The following ROBO2 variants were observed in gnomAD, a reference collection of about 807,000 sequenced individuals.
The protein encoded by ROBO2 is roundabout homolog 2.
A neutral mutation model predicts 160.8 loss-of-function variants in ROBO2; 53 were observed. The ratio of observed to expected loss-of-function variants is 0.33; its 90% CI spans 0.26 to 0.41. The LOEUF (loss-of-function observed/expected upper bound fraction) is 0.41, where lower values mean the gene tolerates loss of function less well. Among genes scored for constraint, ROBO2 ranks in the 10% least tolerant of loss-of-function variants. The probability of loss-of-function intolerance (pLI) is 1.00; values close to 1 mark genes in which losing one functional copy is unlikely to be tolerated. For missense variants in ROBO2, 1,577 were observed against 1,722.4 expected, an observed-to-expected ratio of 0.92 and a Z score of 1.49; for synonymous variants, 664 against 611.7, an observed-to-expected ratio of 1.09 and a Z score of -1.26.
chr3:77,462,268 G>A (rs2082322654), intron 2 of ROBO2, among the ~76,000 whole-genome samples: 1 of 152,094 alleles, frequency 6.6e-6, no homozygotes, highest in Non-Finnish European at 1.5e-5. Context: ...CAAATCAAAA[G>A]GTTGTCATCG....
At chr3:76,267,550 T>C (rs1294423798) in intron 2 of ROBO2, among the ~76,000 whole-genome samples, 1 of 152,158 alleles carries the variant, frequency 6.6e-6, no homozygotes, top group Non-Finnish European at 1.5e-5. Flanking sequence ...AAACACTGAA[T>C]TTAATACCTA....
intron 2 of ROBO2, among the ~76,000 whole-genome samples, chr3:76,395,252 G>GA (rs1230057962): frequency 1.3e-5 from 2 of 149,782 alleles, no homozygotes; most frequent in Non-Finnish European, 3.0e-5. Flanking sequence ...AATGAAGGCA[G>GA]AAATAAAGAT....
At chr3:76,352,489 T>TTATGTGGA (rs2074935893) in intron 2 of ROBO2, among the ~76,000 whole-genome samples, 1 of 152,040 alleles carries the variant, frequency 6.6e-6, no homozygotes, top group African/African-American at 2.4e-5. Context: ...GCTAGAATAA[T>TTATGTGGA]TATGTGGAGC....
At chr3:77,300,147 A>G (rs1383786254) in intron 2 of ROBO2, among the ~76,000 whole-genome samples, 1 of 151,880 alleles carries the variant, frequency 6.6e-6, no homozygotes, top group African/African-American at 2.4e-5. Flanking sequence ...AGGGAAATTG[A>G]CATAGAATTA....
At chr3:76,106,770 T>C (rs1369008167) in intron 2 of ROBO2, among the ~76,000 whole-genome samples, 1 of 152,128 alleles carries the variant, frequency 6.6e-6, no homozygotes, top group Non-Finnish European at 1.5e-5. Flanking sequence ...TTATTTGTAA[T>C]GATATTTGAT....
chr3:76,285,578 A>C (rs1708468632), intron 2 of ROBO2, among the ~76,000 whole-genome samples: 1 of 152,114 alleles, frequency 6.6e-6, no homozygotes, highest in Non-Finnish European at 1.5e-5. Flanking sequence ...TATTTTTAAA[A>C]TCGAATGTTC....
At chr3:77,192,650 CTTTTT>C (rs71629633) in intron 2 of ROBO2, among the ~76,000 whole-genome samples, 2 of 110,038 alleles carry the variant, frequency 1.8e-5, no homozygotes, top group African/African-American at 7.7e-5. Context: ...AACACAATTC[CTTTTT>C]TTTTTTTTTT....
intron 2 of ROBO2, among the ~76,000 whole-genome samples, chr3:77,261,664 T>TG (rs2058781586): frequency 6.6e-6 from 1 of 151,808 alleles, no homozygotes; most frequent in African/African-American, 2.4e-5. Context: ...GTGAGGGGGG[T>TG]GGTGCATGTA....
At chr3:75,973,970 GA>G (rs1559796240) in intron 2 of ROBO2, among the ~76,000 whole-genome samples, 2 of 149,912 alleles carry the variant, frequency 1.3e-5, no homozygotes, top group African/African-American at 4.9e-5. Context: ...TGAGGGAGGA[GA>G]AAAACCATGG....
chr3:76,712,691 T>C (rs2107620171), intron 2 of ROBO2, among the ~76,000 whole-genome samples: 1 of 151,478 alleles, frequency 6.6e-6, no homozygotes, highest in South Asian at 2.1e-4. Context: ...AAAATAATAA[T>C]AATAATTAAA....
At position 76,385,083 on chromosome 3, in the gene ROBO2, C is replaced by T. The variant is rs546323989; in HGVS notation, c.109+447481C>T. Reference sequence around the variant, plus strand: ...AATTATGGCTCACTGCAGCCTCAACCTTCCAGGCTCAAACTATCCTTCCAC... The same window carrying T: ...AATTATGGCTCACTGCAGCCTCAACTTTCCAGGCTCAAACTATCCTTCCAC... On this transcript the variant is annotated intron_variant, in intron 2 of 26. Transcript: ENST00000487694. 5.3e-4 allele frequency among the ~76,000 whole-genome samples: 81 copies of T among 152,260 alleles called. No individual in the cohort carries two copies. The South Asian group carries it at 0.013, about 25-fold the overall frequency.
At chr3:77,065,303 G>T (rs1242455471) in intron 1 of ROBO2, among the ~76,000 whole-genome samples, 1 of 151,940 alleles carries the variant, frequency 6.6e-6, no homozygotes, top group Admixed American at 6.6e-5. Context: ...AACAGAAGTT[G>T]GTCAACAAAA....
chr3:77,453,147 C>A (rs2081289716), intron 2 of ROBO2, among the ~76,000 whole-genome samples: 1 of 152,092 alleles, frequency 6.6e-6, no homozygotes, highest in African/African-American at 2.4e-5. Context: ...CATTTTACTG[C>A]CTTCTCTATT....
At position 77,345,014 on chromosome 3, in the gene ROBO2, T is replaced by C. The variant is rs1417599299; in HGVS notation, c.389-132400T>C. On this transcript the variant is annotated intron_variant, in intron 2 of 25. Transcript: ENST00000461745. ...TAGAGGCTCAAAACAACAATAAGCATGTATTAGCCCTTACAGTTTATGTGG... is the reference window on the plus strand; with the variant it reads ...TAGAGGCTCAAAACAACAATAAGCACGTATTAGCCCTTACAGTTTATGTGG... 3.3e-5 allele frequency among the ~76,000 whole-genome samples: 5 copies of C among 152,230 alleles called. No homozygotes were observed. The East Asian group carries it at 5.8e-4, about 18-fold the overall frequency.
intron 1 of ROBO2, among the ~76,000 whole-genome samples, chr3:77,060,713 T>A (rs547864790): frequency 1.3e-5 from 2 of 152,288 alleles, no homozygotes; most frequent in East Asian, 3.9e-4. Flanking sequence ...CTTATTTCAT[T>A]TGTGTTTACA....
At chr3:76,673,528 T>C (rs1241971085) in intron 2 of ROBO2, among the ~76,000 whole-genome samples, 1 of 152,180 alleles carries the variant, frequency 6.6e-6, no homozygotes, top group East Asian at 1.9e-4. Flanking sequence ...GAACCATTCA[T>C]ATGTTTTAAA....
chr3:77,121,720 T>A (rs2150270838), intron 2 of ROBO2, among the ~76,000 whole-genome samples: 1 of 152,278 alleles, frequency 6.6e-6, no homozygotes, highest in East Asian at 1.9e-4. Flanking sequence ...GTGTTGGAAT[T>A]GCTTGGATGA....
intron 2 of ROBO2, among the ~76,000 whole-genome samples, chr3:76,093,488 A>C (rs1168657977): frequency 1.6e-4 from 1 of 6,104 alleles, no homozygotes; most frequent in Non-Finnish European, 2.8e-4. Context: ...TGTGTAAGAT[A>C]TTATAATATA....
intron 2 of ROBO2, among the ~76,000 whole-genome samples, chr3:76,027,023 A>G (rs1355643568): frequency 1.3e-5 from 2 of 151,928 alleles, no homozygotes; most frequent in Non-Finnish European, 2.9e-5. Flanking sequence ...GTACTGATGC[A>G]AAGAAAGCCC....
Sources: gnomAD v4.1 joint callset for allele counts (sites outside exome capture counted in the v4.1 genomes callset) on GRCh38, gnomAD v4.1.1 for gene constraint, MANE v1.5 for transcripts, NCBI Gene and HGNC (gene_info 2026-07-23, HGNC 2026-07-21) for gene names.